CACNA1C: variants seen among roughly 807,000 people sequenced by gnomAD.
The protein encoded by CACNA1C is voltage-dependent L-type calcium channel subunit alpha-1C.
Under a neutral mutation model 229.0 loss-of-function variants are expected in CACNA1C, and 30 were observed. The observed-to-expected ratio is 0.13, with a 90% CI of 0.10 to 0.18. CACNA1C has a LOEUF of 0.18. Among genes scored for constraint, CACNA1C ranks in the 10% least tolerant of loss-of-function variants. The probability of loss-of-function intolerance (pLI) is 1.00; values close to 1 mark genes in which losing one functional copy is unlikely to be tolerated. For missense variants in CACNA1C, 1,658 were observed against 2,845.0 expected (o/e 0.58, Z 9.49); for synonymous variants, 1,114 against 1,132.5 (o/e 0.98, Z 0.33).
intron 3 of CACNA1C, among the ~76,000 whole-genome samples, chr12:2,228,198 C>T (rs895878411): frequency 2.0e-5 from 3 of 152,202 alleles, no homozygotes; most frequent in African/African-American, 7.2e-5. Context: ...ACACCTTACA[C>T]AGGGAACTCC....
chr12:2,106,363 G>A (rs1223157377), intron 1 of CACNA1C, among the ~76,000 whole-genome samples: 1 of 59,450 alleles, frequency 1.7e-5, no homozygotes, highest in African/African-American at 5.9e-5. Context: ...GCATCGTGAA[G>A]CCACTGGGCG....
At chr12:2,052,216 G>A (rs2052405077), upstream of CACNA1C, among the ~76,000 whole-genome samples, 1 of 152,150 alleles carries the variant, frequency 6.6e-6, no homozygotes, top group South Asian at 2.1e-4. Context: ...GTGCTCGGCT[G>A]CCTCCAAGGA....
chr12:2,154,665 A>T (rs144039690), intron 3 of CACNA1C, among the ~76,000 whole-genome samples: 1 of 152,338 alleles, frequency 6.6e-6, no homozygotes, highest in African/African-American at 2.4e-5. Flanking sequence ...AGGCAGACTT[A>T]TAAATGGGGA....
At chr12:2,028,977 C>G (rs986959876) in intron 1 of CACNA1C, among the ~76,000 whole-genome samples, 1 of 152,078 alleles carries the variant, frequency 6.6e-6, no homozygotes, top group Non-Finnish European at 1.5e-5. Flanking sequence ...TGAGGATGAC[C>G]GTGGTCATGG....
At chr12:2,584,471 G>T in intron 15 of CACNA1C, 32 bp from the exon 16 acceptor site, 1 of 1,546,170 alleles carries the variant, frequency 6.5e-7, no homozygotes, top group Non-Finnish European at 8.9e-7. Flanking sequence ...CCCAAACCAA[G>T]GGTCATTTTC....
intron 3 of CACNA1C, among the ~76,000 whole-genome samples, chr12:2,351,355 A>G (rs912925648): frequency 6.6e-6 from 1 of 151,964 alleles, no homozygotes; most frequent in Non-Finnish European, 1.5e-5. Flanking sequence ...AGCAGCCCCC[A>G]CCCCAGCCTC....
At chr12:2,650,139 A>T (rs998892923) in intron 31 of CACNA1C, among the ~76,000 whole-genome samples, 2 of 152,134 alleles carry the variant, frequency 1.3e-5, no homozygotes, top group Admixed American at 1.3e-4. Context: ...TTGAAATATA[A>T]GAAATATTTT....
chr12:2,026,558 C>A (rs558994315), intron 1 of CACNA1C, among the ~76,000 whole-genome samples: 11 of 152,296 alleles, frequency 7.2e-5, no homozygotes, highest in African/African-American at 2.6e-4. Context: ...TTAAGAGACA[C>A]TGAAAATGAG....
chr12:2,327,588 G>A (rs894480531), intron 3 of CACNA1C, among the ~76,000 whole-genome samples: 3 of 152,280 alleles, frequency 2.0e-5, no homozygotes, highest in South Asian at 2.1e-4. Flanking sequence ...CTGACCTAAC[G>A]GTAGTTCTGA....
At chr12:2,261,264 CTGAT>C (rs1324777154) in intron 3 of CACNA1C, among the ~76,000 whole-genome samples, 1 of 151,690 alleles carries the variant, frequency 6.6e-6, no homozygotes, top group Non-Finnish European at 1.5e-5. Flanking sequence ...ACAAAAAAAA[CTGAT>C]TGCATGTTAA....
intron 39 of CACNA1C, 128 bp from the exon 40 acceptor site, chr12:2,676,966 G>T: frequency 1.4e-6 from 1 of 711,326 alleles, no homozygotes; most frequent in Non-Finnish European, 2.4e-6. Flanking sequence ...TAAGCCATGT[G>T]AATGTATTAC....
intron 3 of CACNA1C, among the ~76,000 whole-genome samples, chr12:2,303,591 CCT>C (rs1364901557): frequency 6.6e-6 from 1 of 152,004 alleles, no homozygotes; most frequent in African/African-American, 2.4e-5. Flanking sequence ...ACAGGGAGAC[CCT>C]GTCTGTACAA....
At chr12:2,580,085 T>C (rs2059958596) in intron 13 of CACNA1C, among the ~76,000 whole-genome samples, 1 of 152,156 alleles carries the variant, frequency 6.6e-6, no homozygotes, top group South Asian at 2.1e-4. Context: ...AAGGACAGAG[T>C]TGGGAAGCTG....
At chr12:2,286,217 T>G (rs1434377937) in intron 3 of CACNA1C, among the ~76,000 whole-genome samples, 1 of 152,210 alleles carries the variant, frequency 6.6e-6, no homozygotes, top group Non-Finnish European at 1.5e-5. Context: ...TGCTTGACCT[T>G]CCATTTAGAG....
rs761437891 is a variant in CACNA1C, at chr12:2,685,854, G to C, written c.5680+12G>C. ...CTCTGCCTCACTAGGTAAATGCACC[G>C]CTCGCTCTCTGGATGTGGTCGGCGG... On this transcript the variant is annotated intron_variant, in intron 44 of 46. Transcript: ENST00000399655. The C allele has an allele frequency of 3.2e-6, 5 of 1,579,460 alleles. No individual in the cohort carries two copies. The African/African-American group carries it at 5.4e-5, about 17-fold the overall frequency.
rs191444973 is a variant in CACNA1C at position 2,261,685 on chromosome 12, T to A, written c.477+141255T>A. 3.3e-5 allele frequency among the ~76,000 whole-genome samples: 5 copies of A among 152,296 alleles called. No individual in the cohort carries two copies. In the East Asian group the frequency reaches 9.7e-4, roughly 29 times the overall value. On this transcript the variant is annotated intron_variant, in intron 3 of 46. Coordinates refer to ENST00000399655, the MANE Select transcript of CACNA1C (RefSeq NM_000719.7). The stretch of plus-strand genomic sequence containing the variant: ...AAACAGCACTATTTACTAGGAGATA[T>A]AGCATCAGAGGTGGTTTTCTATACA...
intron 1 of CACNA1C, among the ~76,000 whole-genome samples, chr12:1,996,154 AC>A (rs1469493402): frequency 6.6e-6 from 1 of 152,116 alleles, no homozygotes; most frequent in Non-Finnish European, 1.5e-5. Flanking sequence ...TAATCTTCTC[AC>A]TGTCCTGACT....
At chr12:2,577,932 G>A (rs997315700) in intron 13 of CACNA1C, among the ~76,000 whole-genome samples, 21 of 150,072 alleles carry the variant, frequency 1.4e-4, no homozygotes, top group Admixed American at 5.3e-4. Context: ...GCAGTGGCGC[G>A]ATCTCGGCTC....
intron 46 of CACNA1C, 50 bp downstream of exon 46, chr12:2,688,829 G>C (rs2153868867): frequency 7.3e-7 from 1 of 1,378,510 alleles, no homozygotes; most frequent in Non-Finnish European, 9.6e-7. Flanking sequence ...GCAACAAGGG[G>C]ACTTGGCATG....
Sources: gnomAD v4.1 joint callset for allele counts (sites outside exome capture counted in the v4.1 genomes callset) on GRCh38, gnomAD v4.1.1 for gene constraint, MANE v1.5 for transcripts, NCBI Gene and HGNC (gene_info 2026-07-23, HGNC 2026-07-21) for gene names.